CTNND2: variants seen among roughly 807,000 people sequenced by gnomAD.
CTNND2 encodes the protein catenin delta 2.
Under a neutral mutation model 144.4 loss-of-function variants are expected in CTNND2, and 22 were observed. The observed-to-expected ratio is 0.15, with a 90% CI of 0.11 to 0.22. The LOEUF (loss-of-function observed/expected upper bound fraction) is 0.22, where lower values mean the gene tolerates loss of function less well. CTNND2 is among the 10% of genes least tolerant of loss of function. The probability of loss-of-function intolerance (pLI) is 1.00; values close to 1 mark genes in which losing one functional copy is unlikely to be tolerated. For missense variants in CTNND2, 1,353 were observed against 1,618.8 expected, an observed-to-expected ratio of 0.84 and a Z score of 2.82; for synonymous variants, 751 against 695.6, an observed-to-expected ratio of 1.08 and a Z score of -1.25.
intron 2 of CTNND2, among the ~76,000 whole-genome samples, chr5:11,663,632 A>G (rs1783398607): frequency 1.3e-5 from 2 of 152,314 alleles, no homozygotes; most frequent in African/African-American, 2.4e-5. Context: ...AGCAGTATTT[A>G]GAAACAAGAG....
chr5:11,459,256 G>A (rs1002165658), intron 3 of CTNND2, among the ~76,000 whole-genome samples: 12 of 152,154 alleles, frequency 7.9e-5, no homozygotes, highest in Admixed American at 4.6e-4. Context: ...TGCTGTCGAT[G>A]ATGAAAATCA....
At chr5:11,425,250 G>A (rs1352559760) in intron 3 of CTNND2, among the ~76,000 whole-genome samples, 1 of 152,214 alleles carries the variant, frequency 6.6e-6, no homozygotes, top group Non-Finnish European at 1.5e-5. Flanking sequence ...ATTTACTGAA[G>A]TTAGGCTGCC....
At chr5:11,831,554 G>A in intron 1 of CTNND2, among the ~76,000 whole-genome samples, 1 of 151,892 alleles carries the variant, frequency 6.6e-6, no homozygotes, top group African/African-American at 2.4e-5. Context: ...TGTAGTCCCA[G>A]CTACTCGGGA....
At chr5:11,192,088 GAC>G (rs1244417983) in intron 11 of CTNND2, among the ~76,000 whole-genome samples, 3 of 152,218 alleles carry the variant, frequency 2.0e-5, no homozygotes, top group African/African-American at 7.2e-5. Flanking sequence ...TGCACCTGGA[GAC>G]AGGCGCTGCC....
chr5:11,229,894 G>C (rs1165722323), intron 10 of CTNND2, among the ~76,000 whole-genome samples: 2 of 151,770 alleles, frequency 1.3e-5, no homozygotes, highest in Non-Finnish European at 2.9e-5. Context: ...ACTCTGGTGT[G>C]TGCATTGGAA....
intron 5 of CTNND2, among the ~76,000 whole-genome samples, chr5:11,402,096 C>T (rs1174931336): frequency 6.6e-6 from 1 of 152,108 alleles, no homozygotes; most frequent in Non-Finnish European, 1.5e-5. Context: ...ATACAAGGCA[C>T]AGTTCATTAA....
rs151059311 is a variant in CTNND2 at position 11,692,101 on chromosome 5, T to C, written c.174+40035A>G. Among the ~76,000 whole-genome samples the C allele has an allele frequency of 1.2e-3, 180 of 152,338 alleles. 1 individual carries two copies. The highest frequency in any genetic ancestry group is 4.1e-3 in the African/African-American group (169 of 41,578). On this transcript the variant is annotated intron_variant, in intron 2 of 21. Transcript: ENST00000304623. ...TAAGAAACACCATACATCTATTTTT[T>C]TCTGAAAGACCATGCAATCATCAAA...
At chr5:11,579,806 G>A (rs1018063765) in intron 2 of CTNND2, among the ~76,000 whole-genome samples, 4 of 152,320 alleles carry the variant, frequency 2.6e-5, no homozygotes, top group African/African-American at 9.6e-5. Flanking sequence ...ACTAGGGACT[G>A]TAATTTCCAT....
chr5:11,092,483 C>T (rs889635977), intron 15 of CTNND2, among the ~76,000 whole-genome samples: 1 of 152,170 alleles, frequency 6.6e-6, no homozygotes, highest in Non-Finnish European at 1.5e-5. Flanking sequence ...TGCTGCTTCC[C>T]GGGTCTTGCA....
At chr5:11,854,062 C>T (rs1370837986) in intron 1 of CTNND2, among the ~76,000 whole-genome samples, 1 of 152,192 alleles carries the variant, frequency 6.6e-6, no homozygotes, top group Non-Finnish European at 1.5e-5. Flanking sequence ...CATTCGTTCT[C>T]CTAAGTATCC....
intron 14 of CTNND2, among the ~76,000 whole-genome samples, chr5:11,108,685 T>A (rs977422291): frequency 4.6e-5 from 7 of 152,162 alleles, no homozygotes; most frequent in African/African-American, 1.7e-4. Context: ...TTGGATTCCA[T>A]CAGGTCCTGC....
chr5:11,311,575 CCCT>C (rs1420038003), intron 9 of CTNND2, among the ~76,000 whole-genome samples: 4 of 148,898 alleles, frequency 2.7e-5, no homozygotes, highest in Non-Finnish European at 6.0e-5. Flanking sequence ...TCCCCATGCA[CCCT>C]CAACCCACAC....
chr5:11,055,979 C>T (rs749096904), intron 16 of CTNND2, among the ~76,000 whole-genome samples: 18 of 152,182 alleles, frequency 1.2e-4, no homozygotes, highest in Non-Finnish European at 4.4e-5. Context: ...CCCATGGTCA[C>T]GGCACACATG....
At chr5:11,131,172 A>C (rs1471867294) in intron 12 of CTNND2, among the ~76,000 whole-genome samples, 1 of 152,256 alleles carries the variant, frequency 6.6e-6, no homozygotes, top group Non-Finnish European at 1.5e-5. Flanking sequence ...TTATATGACA[A>C]GTCACAGAAC....
At chr5:11,145,807 T>TCTTAA (rs1229229591) in intron 12 of CTNND2, among the ~76,000 whole-genome samples, 6 of 152,118 alleles carry the variant, frequency 3.9e-5, no homozygotes, top group Admixed American at 2.0e-4. Context: ...TCACAGACAG[T>TCTTAA]CTTAACAATC....
intron 2 of CTNND2, among the ~76,000 whole-genome samples, chr5:11,674,836 C>T (rs1169725272): frequency 6.6e-6 from 1 of 152,102 alleles, no homozygotes; most frequent in Admixed American, 6.5e-5. Context: ...AGCAATTCTC[C>T]TGCCTCAGCC....
intron 9 of CTNND2, among the ~76,000 whole-genome samples, chr5:11,292,600 T>C (rs768594788): frequency 6.6e-6 from 1 of 152,188 alleles, no homozygotes; most frequent in Non-Finnish European, 1.5e-5. Flanking sequence ...ACACTCTCTC[T>C]TGCCTGCCGC....
chr5:11,646,421 T>C (rs2245050), intron 2 of CTNND2, among the ~76,000 whole-genome samples: 61,128 of 152,014 alleles, frequency 0.4, 14,073 homozygotes, highest in African/African-American at 0.63. Context: ...CTGTTTCCAG[T>C]GCCAGAGCCT....
chr5:11,473,532 C>T (rs941619719), intron 3 of CTNND2, among the ~76,000 whole-genome samples: 1 of 152,188 alleles, frequency 6.6e-6, no homozygotes, highest in Non-Finnish European at 1.5e-5. Flanking sequence ...AAGGCCTAAG[C>T]AGGTTTTCTC....
Sources: gnomAD v4.1 joint callset for allele counts (sites outside exome capture counted in the v4.1 genomes callset) on GRCh38, gnomAD v4.1.1 for gene constraint, MANE v1.5 for transcripts, NCBI Gene and HGNC (gene_info 2026-07-23, HGNC 2026-07-21) for gene names.